Variants in GPBAR1 observed in about 807,000 individuals in gnomAD.
GPBAR1 encodes G protein-coupled bile acid receptor 1.
GPBAR1 carries 13 observed loss-of-function variants against 13.0 expected under a neutral mutation model. That is an observed-to-expected ratio of 1.00 (90% CI 0.65 to 1.59). GPBAR1 has a LOEUF of 1.59. GPBAR1 is among the 40% of genes most tolerant of loss of function. GPBAR1 has a pLI of 0.00. For missense variants in GPBAR1, 398 were observed against 436.4 expected (o/e 0.91, Z 0.78); for synonymous variants, 193 against 205.2 (o/e 0.94, Z 0.51).
chr2:218,261,490 G>A (rs2106166720), intron 1 of GPBAR1, among the ~76,000 whole-genome samples: 1 of 152,282 alleles, frequency 6.6e-6, no homozygotes, highest in South Asian at 2.1e-4. Flanking sequence ...ATGATGCCCT[G>A]GGAAAGGGAA....
At position 218,263,513 on chromosome 2, in the gene GPBAR1, G is replaced by A; in HGVS notation, c.789G>A (p.Leu263=). 2 of 1,611,808 alleles carry A rather than the reference G, an allele frequency of 1.2e-6. No homozygotes were observed. The highest frequency in any genetic ancestry group is 1.1e-5 in the South Asian group (1 of 90,916). The change falls in exon 2 of 2, where the codon TTG becomes TTA. Residue 263 remains leucine (L), a synonymous_variant. Transcript: ENST00000519574. This position sits in a 1 kb window ranked among gnomAD's most constrained non-coding sequence, Gnocchi z 4.2. ...CGCCACTGGGGCCTGGGACACTGTT[G>A]TCCCTCCTCTCCCTAGGAAGTGCCA... ...QRPPLGPGTL[L]SLLSLGSASA...
chr2:218,262,423 C>T lies in GPBAR1; in HGVS notation c.-45-257C>T, dbSNP rs1021387816. The T allele has an allele frequency of 1.8e-5, 7 of 393,872 alleles. No homozygotes were observed. Among genetic ancestry groups the T allele is most frequent in the East Asian group, 8.8e-5 (2 of 22,702 alleles). 24.4% of individuals were successfully genotyped at this position (393,872 alleles called of 1,614,324 possible). ...TAAAGCTGGCTGGGTGGGGACTGTCCGAAGGGCAGCCAGCAGTGAGCTCCG... is the reference window on the plus strand; with the variant it reads ...TAAAGCTGGCTGGGTGGGGACTGTCTGAAGGGCAGCCAGCAGTGAGCTCCG... On this transcript the variant is annotated intron_variant, in intron 1 of 1. Transcript: ENST00000519574. This position sits in a 1 kb window ranked among gnomAD's most constrained non-coding sequence, Gnocchi z 5.1.
chr2:218,262,755 A>T lies in GPBAR1; in HGVS notation c.31A>T (p.Ser11Cys). MTPNSTGEVP[S>C]PIPKGALGLS... ...GCCCAACAGCACTGGCGAGGTGCCC[A>T]GCCCCATTCCCAAGGGGGCTTTGGG... The change falls in exon 2 of 2, where the codon AGC becomes TGC. Residue 11 changes from serine to cysteine, a missense_variant. Ser to Cys is a moderately radical substitution (Grantham distance 112). Transcript: ENST00000519574. The surrounding 1 kb of genome is among the most constrained non-coding windows in gnomAD (Gnocchi z 5.1). 1.9e-6 allele frequency: 3 copies of T among 1,607,228 alleles called. No individual in the cohort carries two copies. Among genetic ancestry groups the T allele is most frequent in the Non-Finnish European group, 2.6e-6 (3 of 1,176,262 alleles).
rs1333219708 is a variant in GPBAR1, at chr2:218,263,635, G to T, written c.911G>T (p.Gly304Val). Reference protein sequence around the residue: ...AAQRCLQGLWGRASRDSPGPS... With the variant: ...AAQRCLQGLWVRASRDSPGPS... ...CAAAGGTGCCTGCAGGGGCTGTGGG[G>T]AAGAGCCTCCCGGGACAGTCCCGGC... The change falls in exon 2 of 2, where the codon GGA (glycine) becomes GTA (valine). Residue 304 changes from glycine to valine, a missense_variant. Gly to Val is a moderately radical substitution (Grantham distance 109). Coordinates refer to ENST00000519574, the MANE Select transcript of GPBAR1 (RefSeq NM_170699.3). The surrounding 1 kb of genome is among the most constrained non-coding windows in gnomAD (Gnocchi z 4.2). 1 of 1,612,714 alleles carries T rather than the reference G, an allele frequency of 6.2e-7. No homozygotes were observed. Among genetic ancestry groups the T allele is most frequent in the East Asian group, 2.2e-5 (1 of 44,886 alleles).
upstream of GPBAR1, chr2:218,259,582 C>G (rs1489895170): frequency 6.6e-6 from 1 of 152,382 alleles, no homozygotes; most frequent in Non-Finnish European, 1.5e-5. Context: ...GGACTTGAGG[C>G]TGGATGCTTT....
Position 218,263,261 on chromosome 2 carries a change from T to C in GPBAR1, c.537T>C (p.Gly179=). The stretch of plus-strand genomic sequence containing the variant: ...ATGGGCTCCTGCTGCCCGCCGTGGG[T>C]GCTGCTGCCTTCCTCTCTGTCCGCG... ...EVYGLLLPAV[G]AAAFLSVRVL... Residue 179 remains glycine (G), a synonymous_variant, in exon 2 of 2, where the codon GGT becomes GGC. Coordinates refer to ENST00000519574, the MANE Select transcript of GPBAR1 (RefSeq NM_170699.3). The surrounding 1 kb of genome is among the most constrained non-coding windows in gnomAD (Gnocchi z 4.2). 6.2e-7 allele frequency: 1 copy of C among 1,607,696 alleles called. No homozygotes were observed. Among genetic ancestry groups the C allele is most frequent in the Non-Finnish European group, 8.5e-7 (1 of 1,179,794 alleles).
Position 218,262,958 on chromosome 2 carries a change from T to A in GPBAR1, c.234T>A (p.Ser78Arg), listed in dbSNP as rs1195107189. Residue 78 changes from serine to arginine, a missense_variant, in exon 2 of 2, where the codon AGT (serine) becomes AGA (arginine). By Grantham distance (110) the Ser-to-Arg change is moderately radical. Transcript: ENST00000519574. The surrounding 1 kb of genome is among the most constrained non-coding windows in gnomAD (Gnocchi z 5.1). ...LPTLPGLWNQ[S>R]RRGYWSCLLV... is the part of the protein sequence containing the mutation. ...CATTGCCAGGGCTGTGGAACCAGAG[T>A]CGCCGGGGTTACTGGTCCTGCCTCC... 1 of 1,613,274 alleles carries A rather than the reference T, an allele frequency of 6.2e-7. No individual in the cohort carries two copies. The highest frequency in any genetic ancestry group is 1.3e-5 in the African/African-American group (1 of 74,688).
rs1218104307 is a variant in GPBAR1, at chr2:218,263,179, G to C, written c.455G>C (p.Gly152Ala). 1 of 1,610,358 alleles carries C rather than the reference G, an allele frequency of 6.2e-7. No homozygotes were observed. Among genetic ancestry groups the C allele is most frequent in the East Asian group, 2.2e-5 (1 of 44,884 alleles). ...PALGWNHWTP[G>A]ANCSSQAIFP... ...CTGGGGTGGAACCACTGGACCCCTG[G>C]TGCCAACTGCAGCTCCCAGGCTATC... Residue 152 changes from glycine (G) to alanine (A), a missense_variant, in exon 2 of 2, where the codon GGT becomes GCT. Coordinates refer to ENST00000519574, the MANE Select transcript of GPBAR1 (RefSeq NM_170699.3). This position sits in a 1 kb window ranked among gnomAD's most constrained non-coding sequence, Gnocchi z 4.2.
In GPBAR1 at chr2:218,262,782, C is replaced by T. The variant is rs776924820; in HGVS notation, c.58C>T (p.Leu20Phe). ...CCCCATTCCCAAGGGGGCTTTGGGG[C>T]TCTCCCTGGCCCTGGCAAGCCTCAT... ...PSPIPKGALG[L>F]SLALASLIIT... is the part of the protein sequence containing the mutation. The change falls in exon 2 of 2, where the codon CTC becomes TTC. Residue 20 changes from leucine to phenylalanine, a missense_variant. Coordinates refer to ENST00000519574, the MANE Select transcript of GPBAR1 (RefSeq NM_170699.3). This position sits in a 1 kb window ranked among gnomAD's most constrained non-coding sequence, Gnocchi z 5.1. 3.1e-6 allele frequency: 5 copies of T among 1,610,956 alleles called. No homozygotes were observed. The South Asian group carries it at 5.5e-5, about 18-fold the overall frequency.
upstream of GPBAR1, among the ~76,000 whole-genome samples, chr2:218,260,366 C>T (rs1690381414): frequency 6.6e-6 from 1 of 152,206 alleles, no homozygotes; most frequent in African/African-American, 2.4e-5. Context: ...GGGCAAACCC[C>T]CACCCATCAA....
Position 218,262,839 on chromosome 2 carries a change from A to G in GPBAR1, c.115A>G (p.Ile39Val), listed in dbSNP as rs1690467394. 1 of 1,613,568 alleles carries G rather than the reference A, an allele frequency of 6.2e-7. No homozygotes were observed. The highest frequency in any genetic ancestry group is 1.7e-5 in the Admixed American group (1 of 59,968). Reference protein sequence around the residue: ...ITANLLLALGIAWDRRLRSPP... With the variant: ...ITANLLLALGVAWDRRLRSPP... ...CGCGAACCTGCTCCTAGCCCTGGGC[A>G]TCGCCTGGGACCGCCGCCTGCGCAG... The change falls in exon 2 of 2, where the codon ATC becomes GTC. Residue 39 changes from isoleucine (I) to valine (V), a missense_variant. Physicochemically the swap from Ile to Val is conservative, Grantham distance 29. Transcript: ENST00000519574. The surrounding 1 kb of genome is among the most constrained non-coding windows in gnomAD (Gnocchi z 5.1).
chr2:218,260,163 A>C (rs1432142607), upstream of GPBAR1: 1 of 152,162 alleles, frequency 6.6e-6, no homozygotes, highest in Non-Finnish European at 1.5e-5. Context: ...ATCACACGGG[A>C]CTTCATTTAG....
rs1372708406 is a variant in GPBAR1, at chr2:218,262,998, C to G, written c.274C>G (p.Pro92Ala). 1.2e-6 allele frequency: 2 copies of G among 1,613,916 alleles called. No individual in the cohort carries two copies. The highest frequency in any genetic ancestry group is 1.7e-6 in the Non-Finnish European group (2 of 1,179,862). Reference sequence around the variant, plus strand: ...GTCCTGCCTCCTCGTCTACTTGGCTCCCAACTTCTCCTTCCTCTCCCTGCT... The same window carrying G: ...GTCCTGCCTCCTCGTCTACTTGGCTGCCAACTTCTCCTTCCTCTCCCTGCT... ...YWSCLLVYLA[P>A]NFSFLSLLAN... The change falls in exon 2 of 2, where the codon CCC (proline) becomes GCC (alanine). Residue 92 changes from proline (P) to alanine (A), a missense_variant. Transcript: ENST00000519574. This position sits in a 1 kb window ranked among gnomAD's most constrained non-coding sequence, Gnocchi z 5.1.
Position 218,263,485 on chromosome 2 carries a change from G to A in GPBAR1, c.761G>A (p.Arg254His), listed in dbSNP as rs781068296. The change falls in exon 2 of 2, where the codon CGC becomes CAC. Residue 254 changes from arginine to histidine, a missense_variant. Arg to His is a conservative substitution (Grantham distance 29). Transcript: ENST00000519574. This position sits in a 1 kb window ranked among gnomAD's most constrained non-coding sequence, Gnocchi z 4.2. ...CTCTCAGTCCTGGCCTATGAGCAGCGCCCGCCACTGGGGCCTGGGACACTG... is the reference window on the plus strand; with the variant it reads ...CTCTCAGTCCTGGCCTATGAGCAGCACCCGCCACTGGGGCCTGGGACACTG... ...LLLSVLAYEQ[R>H]PPLGPGTLLS... 15 of 1,605,838 alleles carry A rather than the reference G, an allele frequency of 9.3e-6. No homozygotes were observed. The highest frequency in any genetic ancestry group is 8.9e-5 in the South Asian group (8 of 90,276).
At position 218,262,576 on chromosome 2, in the gene GPBAR1, T is replaced by C. The variant is rs937140537; in HGVS notation, c.-45-104T>C. 1.9e-5 allele frequency: 14 copies of C among 728,868 alleles called. No homozygotes were observed. The highest frequency in any genetic ancestry group is 2.8e-5 in the Non-Finnish European group (13 of 458,490). The allele number at this position is 728,868 out of a possible 1,614,324, so 45.2% of individuals were successfully genotyped here. A position where few individuals can be genotyped will look rare whatever the true frequency, so the allele number is the denominator to read the frequency against. Reference sequence around the variant, plus strand: ...AAATTCTGTGTATCAGCGAACATGATACAGCCCACAGCCTGCGGGTCTGCG... The same window carrying C: ...AAATTCTGTGTATCAGCGAACATGACACAGCCCACAGCCTGCGGGTCTGCG... On this transcript the variant is annotated intron_variant, in intron 1 of 1. Coordinates refer to ENST00000519574, the MANE Select transcript of GPBAR1 (RefSeq NM_170699.3). This position sits in a 1 kb window ranked among gnomAD's most constrained non-coding sequence, Gnocchi z 5.1.
At position 218,263,723 on chromosome 2, in the gene GPBAR1, G is replaced by A. The variant is rs1173937460; in HGVS notation, c.*6G>A. ...TCGACCTGGACTTGAACTAAAGGAA[G>A]GGCCTCTGCTGACTCCTACCAGAGC... On this transcript the variant is annotated 3_prime_UTR_variant, in exon 2 of 2. Transcript: ENST00000519574. The surrounding 1 kb of genome is among the most constrained non-coding windows in gnomAD (Gnocchi z 4.2). The A allele has an allele frequency of 1.9e-6, 3 of 1,612,886 alleles. No homozygotes were observed. Among genetic ancestry groups the A allele is most frequent in the East Asian group, 2.2e-5 (1 of 44,878 alleles).
rs753581937 is a variant in GPBAR1 at position 218,262,592 on chromosome 2, C to T, written c.-45-88C>T. ...CGAACATGATACAGCCCACAGCCTGCGGGTCTGCGCCCCTGGATTAACATG... is the reference window on the plus strand; with the variant it reads ...CGAACATGATACAGCCCACAGCCTGTGGGTCTGCGCCCCTGGATTAACATG... On this transcript the variant is annotated intron_variant, in intron 1 of 1. Transcript: ENST00000519574. This position sits in a 1 kb window ranked among gnomAD's most constrained non-coding sequence, Gnocchi z 5.1. 1.3e-5 allele frequency: 11 copies of T among 879,580 alleles called. No homozygotes were observed. Among genetic ancestry groups the T allele is most frequent in the South Asian group, 3.6e-5 (2 of 54,860 alleles). The allele number at this position is 879,580 out of a possible 1,614,324, so 54.5% of individuals were successfully genotyped here. A position where few individuals can be genotyped will look rare whatever the true frequency, so the allele number is the denominator to read the frequency against.
intron 1 of GPBAR1, among the ~76,000 whole-genome samples, chr2:218,261,649 G>C (rs1208977400): frequency 6.6e-6 from 1 of 152,158 alleles, no homozygotes; most frequent in East Asian, 1.9e-4. Context: ...AACCTGGGAA[G>C]GAAGGGGAGC....
Position 218,263,308 on chromosome 2 carries a change from A to C in GPBAR1, c.584A>C (p.Gln195Pro), listed in dbSNP as rs201565188. 97 of 1,605,836 alleles carry C rather than the reference A, an allele frequency of 6.0e-5. 2 individuals carry two copies. The South Asian group carries it at 1.0e-3, about 17-fold the overall frequency. Residue 195 changes from glutamine (Q) to proline (P), a missense_variant, in exon 2 of 2, where the codon CAG becomes CCG. Physicochemically the swap from Gln to Pro is moderately conservative, Grantham distance 76 (BLOSUM62 -1). Coordinates refer to ENST00000519574, the MANE Select transcript of GPBAR1 (RefSeq NM_170699.3). The surrounding 1 kb of genome is among the most constrained non-coding windows in gnomAD (Gnocchi z 4.2). ...SVRVLATAHRQLQDICRLERA... is the reference protein window; with the variant it reads ...SVRVLATAHRPLQDICRLERA... ...CGCGTGCTGGCCACTGCCCACCGCCAGCTGCAGGACATCTGCCGGCTGGAG... is the reference window on the plus strand; with the variant it reads ...CGCGTGCTGGCCACTGCCCACCGCCCGCTGCAGGACATCTGCCGGCTGGAG...
Sources: allele counts gnomAD v4.1 joint callset (sites outside exome capture counted in the v4.1 genomes callset), GRCh38; gene constraint gnomAD v4.1.1; non-coding constraint Gnocchi (gnomAD v3.1); transcripts MANE v1.5; gene names NCBI Gene and HGNC (gene_info 2026-07-23, HGNC 2026-07-21).